KMT2C: variants seen among roughly 807,000 people sequenced by gnomAD.
KMT2C encodes the protein histone-lysine N-methyltransferase 2C.
Under a neutral mutation model 507.9 loss-of-function variants are expected in KMT2C, and 88 were observed. That is an observed-to-expected ratio of 0.17 (90% CI 0.15 to 0.21). The LOEUF (loss-of-function observed/expected upper bound fraction) is 0.21. Among genes scored for constraint, KMT2C ranks in the 10% least tolerant of loss-of-function variants. KMT2C has a pLI of 1.00. For synonymous variants in KMT2C, 2,049 were observed against 2,080.8 expected, an observed-to-expected ratio of 0.98 and a Z score of 0.42; for missense variants, 4,954 against 5,957.8, an observed-to-expected ratio of 0.83 and a Z score of 5.55.
intron 6 of KMT2C, among the ~76,000 whole-genome samples, chr7:152,295,006 G>A (rs536920816): frequency 2.6e-5 from 4 of 151,766 alleles, no homozygotes; most frequent in Middle Eastern, 3.4e-3. Context: ...CATTTCACAC[G>A]GTTTCAGGCT....
intron 13 of KMT2C, 60 bp downstream of exon 13, chr7:152,249,816 T>C: frequency 9.5e-7 from 1 of 1,047,470 alleles, no homozygotes; most frequent in Non-Finnish European, 1.5e-6. Flanking sequence ...AAAATGTCTT[T>C]GGGATAAAGA....
At chr7:152,189,359 T>C (rs372587587) in intron 31 of KMT2C, among the ~76,000 whole-genome samples, 18 of 152,232 alleles carry the variant, frequency 1.2e-4, no homozygotes, top group East Asian at 7.7e-4. Flanking sequence ...CCTCTGTTAA[T>C]TGTTGCAACA....
chr7:152,227,801 T>G (rs2094979709), intron 18 of KMT2C, among the ~76,000 whole-genome samples: 1 of 152,188 alleles, frequency 6.6e-6, no homozygotes, highest in South Asian at 2.1e-4. Context: ...CAGGGGAAAG[T>G]ACATCTACTG....
intron 44 of KMT2C, among the ~76,000 whole-genome samples, chr7:152,156,647 T>C (rs901771158): frequency 6.6e-6 from 1 of 152,224 alleles, no homozygotes; most frequent in African/African-American, 2.4e-5. Context: ...TCTTCAAGTT[T>C]CGTGGTTATA....
intron 33 of KMT2C, among the ~76,000 whole-genome samples, chr7:152,186,332 T>C (rs1334287565): frequency 6.6e-6 from 1 of 152,230 alleles, no homozygotes; most frequent in Non-Finnish European, 1.5e-5. Context: ...ACAGCTCTGC[T>C]GTAAGGACAA....
rs543734103 is a variant in KMT2C, at chr7:152,148,138, G to A, written c.13789C>T (p.Arg4597Cys). 2.3e-5 allele frequency: 37 copies of A among 1,613,924 alleles called. No individual in the cohort carries two copies. Among genetic ancestry groups the A allele is most frequent in the South Asian group, 1.1e-4 (10 of 91,082 alleles). The stretch of plus-strand genomic sequence containing the variant: ...TTCTCCTCAATGGAGCACAGGTAGC[G>A]GCAGCGCCTATTGGCATAGCGAGTG... ...WSTRYANRRC[R>C]YLCSIEEKDG... The change falls in exon 52 of 59, where the codon CGC becomes TGC. Residue 4597 changes from arginine (R) to cysteine (C), a missense_variant. Around this residue, in one of 29 missense-constraint regions of KMT2C, gnomAD observed 221 missense variants for 304.7 expected, o/e 0.73. Coordinates refer to ENST00000262189, the MANE Select transcript of KMT2C (RefSeq NM_170606.3). This position sits in a 1 kb window ranked among gnomAD's most constrained non-coding sequence, Gnocchi z 7.1.
intron 1 of KMT2C, among the ~76,000 whole-genome samples, chr7:152,390,719 T>C (rs558742175): frequency 1.3e-5 from 2 of 152,232 alleles, no homozygotes; most frequent in South Asian, 4.1e-4. Context: ...GTTCATGTCT[T>C]AAATCCCATG....
chr7:152,226,363 A>G (rs560297500), intron 18 of KMT2C, among the ~76,000 whole-genome samples: 2 of 151,572 alleles, frequency 1.3e-5, no homozygotes, highest in African/African-American at 4.8e-5. Context: ...CTCCTGAGTA[A>G]CTAGGACTAC....
chr7:152,252,634 G>T lies in KMT2C; in HGVS notation c.1381C>A (p.Gln461Lys). The change falls in exon 10 of 59, where the codon CAA (glutamine) becomes AAA (lysine). Residue 461 changes from glutamine to lysine, a missense_variant. Physicochemically the swap from Gln to Lys is moderately conservative, Grantham distance 53 (BLOSUM62 1). Transcript: ENST00000262189. ...HNCLICDNCY[Q>K]QQDNLCPFCG... ...AAGGGACATAAGTTATCCTGCTGTTGGTAACAATTGTCACATATCAGGCAA... is the reference window on the plus strand; with the variant it reads ...AAGGGACATAAGTTATCCTGCTGTTTGTAACAATTGTCACATATCAGGCAA... 1 of 1,612,998 alleles carries T rather than the reference G, an allele frequency of 6.2e-7. No homozygotes were observed. The highest frequency in any genetic ancestry group is 8.5e-7 in the Non-Finnish European group (1 of 1,179,138).
chr7:152,233,493 A>G (rs1186685201), intron 16 of KMT2C, among the ~76,000 whole-genome samples: 2 of 152,282 alleles, frequency 1.3e-5, no homozygotes, highest in East Asian at 3.9e-4. Flanking sequence ...GTGAGAAGAT[A>G]GGAAAAAATA....
chr7:152,329,661 TGGAGGGGAAGGAGGGAGAAAG>T (rs2096861919), intron 3 of KMT2C, among the ~76,000 whole-genome samples: 1 of 93,560 alleles, frequency 1.1e-5, no homozygotes, highest in African/African-American at 4.1e-5. Context: ...GGAGAAGGGA[TGGAGGGGAAGGAGGGAGAAAG>T]GGAGGGAAGG....
intron 16 of KMT2C, among the ~76,000 whole-genome samples, chr7:152,234,767 G>A (rs2095229375): frequency 6.6e-6 from 1 of 152,034 alleles, no homozygotes; most frequent in Non-Finnish European, 1.5e-5. Flanking sequence ...GTTGGGTGTG[G>A]TGGCACACAC....
At chr7:152,307,274 AAAGAAAGG>A (rs1304898860) in intron 6 of KMT2C, among the ~76,000 whole-genome samples, 21 of 96,366 alleles carry the variant, frequency 2.2e-4, no homozygotes, top group African/African-American at 5.8e-4. Flanking sequence ...AGGAAGGAAG[AAAGAAAGG>A]AAGGAAGGAA....
chr7:152,137,082 GAA>G, intron 58 of KMT2C, 158 bp from the exon 59 acceptor site: 1 of 613,136 alleles, frequency 1.6e-6, no homozygotes, highest in East Asian at 2.8e-5. Flanking sequence ...GGGGAACCCT[GAA>G]AAGAGGCATT....
chr7:152,398,279 C>A (rs1411403417), intron 1 of KMT2C, among the ~76,000 whole-genome samples: 1 of 152,104 alleles, frequency 6.6e-6, no homozygotes, highest in Non-Finnish European at 1.5e-5. Flanking sequence ...CACTCCTTGG[C>A]AAATTAAGCA....
intron 26 of KMT2C, among the ~76,000 whole-genome samples, chr7:152,200,975 A>T (rs1563366815): frequency 6.6e-6 from 1 of 152,194 alleles, no homozygotes. Context: ...GTAGAAGAGG[A>T]TTCATTTCTT....
chr7:152,301,495 G>C (rs2096567971), intron 6 of KMT2C, among the ~76,000 whole-genome samples: 1 of 151,946 alleles, frequency 6.6e-6, no homozygotes, highest in African/African-American at 2.4e-5. Flanking sequence ...CTGACAGTGT[G>C]AGACTCCATC....
At chr7:152,290,173 A>G (rs1307475217) in intron 6 of KMT2C, among the ~76,000 whole-genome samples, 5 of 148,872 alleles carry the variant, frequency 3.4e-5, no homozygotes, top group African/African-American at 1.2e-4. Context: ...TATATGGGTA[A>G]AAGATCCCCT....
chr7:152,305,012 T>G (rs1432873069), intron 6 of KMT2C, among the ~76,000 whole-genome samples: 2 of 152,214 alleles, frequency 1.3e-5, no homozygotes, highest in Non-Finnish European at 2.9e-5. Flanking sequence ...GTATATAAAC[T>G]TTCATGTAAT....
Sources: gnomAD v4.1 joint callset for allele counts (sites outside exome capture counted in the v4.1 genomes callset) on GRCh38, gnomAD v4.1.1 for gene constraint, gnomAD v4.1.1 regional missense constraint, Gnocchi (gnomAD v3.1) non-coding constraint, MANE v1.5 for transcripts, NCBI Gene and HGNC (gene_info 2026-07-23, HGNC 2026-07-21) for gene names.